Variants in IGDCC4 observed in about 807,000 individuals in gnomAD.
IGDCC4 encodes likely ortholog of mouse neighbor of Punc E11.
A neutral mutation model predicts 116.6 loss-of-function variants in IGDCC4; 72 were observed. The observed-to-expected ratio is 0.62, with a 90% CI of 0.51 to 0.75. IGDCC4 has a LOEUF of 0.75. IGDCC4 is among the 30% of genes least tolerant of loss of function. IGDCC4 has a pLI of 0.00. For missense variants in IGDCC4, 1,501 were observed against 1,662.4 expected (o/e 0.90, Z 1.69); for synonymous variants, 709 against 719.9 (o/e 0.98, Z 0.24).
chr15:65,393,588 AC>A lies in IGDCC4; in HGVS notation c.1715-58del, dbSNP rs200208128. 1,248 of 1,515,250 alleles carry A rather than the reference AC, an allele frequency of 8.2e-4. 10 individuals are homozygous for A. In the African/African-American group the frequency reaches 0.015, roughly 19 times the overall value. 93.9% of individuals were successfully genotyped at this position (1,515,250 alleles called of 1,614,324 possible). A position where few individuals can be genotyped will look rare whatever the true frequency, so the allele number is the denominator to read the frequency against. ...AGCCACCTGAGGAACAGGATCCTAA[AC>A]CCCCCTACATGGCTCTTCCGCCTCA... On this transcript the variant is annotated intron_variant, in intron 9 of 19. Coordinates refer to ENST00000352385, the MANE Select transcript of IGDCC4 (RefSeq NM_020962.3). This position sits in a 1 kb window ranked among gnomAD's most constrained non-coding sequence, Gnocchi z 4.6.
intron 12 of IGDCC4, among the ~76,000 whole-genome samples, chr15:65,391,423 C>A (rs1270703773): frequency 6.6e-6 from 1 of 152,208 alleles, no homozygotes; most frequent in Non-Finnish European, 1.5e-5. Flanking sequence ...GTAGCCTAGG[C>A]TCTGTGTGAC....
rs1173244930 is a variant in IGDCC4 at position 65,402,374 on chromosome 15, G to A, written c.677C>T (p.Ala226Val). The A allele has an allele frequency of 1.3e-6, 2 of 1,570,764 alleles. No homozygotes were observed. The highest frequency in any genetic ancestry group is 2.3e-5 in the South Asian group (2 of 85,326). Residue 226 changes from alanine to valine, a missense_variant, in exon 4 of 20, where the codon GCC becomes GTC. Coordinates refer to ENST00000352385, the MANE Select transcript of IGDCC4 (RefSeq NM_020962.3). ...NSARQHFSQE[A>V]LLSVAHRGSL... ...ACCTCTGTGGGCCACACTGAGTAGG[G>A]CCTCCTGGCTGAAGTGCTGGCGAGC...
intron 3 of IGDCC4, among the ~76,000 whole-genome samples, chr15:65,408,540 G>A (rs994669055): frequency 1.3e-5 from 2 of 152,302 alleles, no homozygotes; most frequent in Admixed American, 6.5e-5. Context: ...GAAGTGCTTC[G>A]TTAAACAAGG....
At chr15:65,406,546 T>C (rs77717865) in intron 3 of IGDCC4, among the ~76,000 whole-genome samples, 4,297 of 152,244 alleles carry the variant, frequency 0.028, 202 homozygotes, top group African/African-American at 0.099. Context: ...CGCAGTGTGT[T>C]TATTAACTGC....
rs1595772670 is a variant in IGDCC4, at chr15:65,383,942, C to T, written c.*67G>A. 6.4e-6 allele frequency: 9 copies of T among 1,397,694 alleles called. No homozygotes were observed. In the South Asian group the frequency reaches 8.9e-5, roughly 14 times the overall value. 86.6% of individuals were successfully genotyped at this position (1,397,694 alleles called of 1,614,324 possible). A position where few individuals can be genotyped will look rare whatever the true frequency, so the allele number is the denominator to read the frequency against. ...CTACAGGCACACATGTGGACATACA[C>T]GGCCACAGGTATCGCATCCTATGTG... On this transcript the variant is annotated 3_prime_UTR_variant, in exon 20 of 20. Transcript: ENST00000352385.
intron 1 of IGDCC4, among the ~76,000 whole-genome samples, chr15:65,421,160 T>C (rs901340950): frequency 6.6e-6 from 1 of 152,200 alleles, no homozygotes; most frequent in Non-Finnish European, 1.5e-5. Flanking sequence ...GTCCCTCGCC[T>C]GCTTTGTGCG....
At chr15:65,417,645 G>T (rs1003106791) in intron 1 of IGDCC4, among the ~76,000 whole-genome samples, 6 of 152,166 alleles carry the variant, frequency 3.9e-5, no homozygotes, top group Non-Finnish European at 8.8e-5. Flanking sequence ...ACCCAGGTTG[G>T]AGTGCAGTGG....
rs776431286 is a variant in IGDCC4 at position 65,402,466 on chromosome 15, G to T, written c.585C>A (p.Gly195=). ...CCTGAACATCCAGGATCTGAAGGAC[G>T]CCGTTGGGAAGCACGATGAGCCTTG... ...EEPRLIVLPN[G]VLQILDVQES... is the part of the protein sequence containing the mutation. Residue 195 remains glycine, a synonymous_variant, in exon 4 of 20, where the codon GGC becomes GGA. Coordinates refer to ENST00000352385, the MANE Select transcript of IGDCC4 (RefSeq NM_020962.3). The T allele has an allele frequency of 6.4e-7, 1 of 1,567,180 alleles. No individual in the cohort carries two copies. Among genetic ancestry groups the T allele is most frequent in the Non-Finnish European group, 8.7e-7 (1 of 1,155,230 alleles).
chr15:65,404,532 G>A (rs1046760265), intron 3 of IGDCC4, among the ~76,000 whole-genome samples: 2 of 152,038 alleles, frequency 1.3e-5, no homozygotes, highest in Admixed American at 6.6e-5. Flanking sequence ...TCGAACTAGC[G>A]AGCTGACTAT....
chr15:65,390,976 T>A (rs1158604337), intron 12 of IGDCC4, among the ~76,000 whole-genome samples: 1 of 152,174 alleles, frequency 6.6e-6, no homozygotes, highest in African/African-American at 2.4e-5. Flanking sequence ...CTCACACCTG[T>A]AATCCCAGCA....
chr15:65,408,870 C>T lies in IGDCC4; in HGVS notation c.563+1308G>A, dbSNP rs1049757274. ...TTTTTTTTTTTTTGAGACAGGGTCT[C>T]GGTGTGTCACCCAGGCTGGCTGGAA... On this transcript the variant is annotated intron_variant, in intron 3 of 19. Coordinates refer to ENST00000352385, the MANE Select transcript of IGDCC4 (RefSeq NM_020962.3). Among the ~76,000 whole-genome samples, 10 of 139,504 alleles carry T rather than the reference C, an allele frequency of 7.2e-5. No individual in the cohort carries two copies. In the East Asian group the frequency reaches 1.9e-3, roughly 27 times the overall value. 91.5% of individuals were successfully genotyped at this position (139,504 alleles called of 152,430 possible).
chr15:65,384,302 C>T lies in IGDCC4; in HGVS notation c.3460G>A (p.Glu1154Lys). The T allele has an allele frequency of 6.2e-7, 1 of 1,607,710 alleles. No individual in the cohort carries two copies. The highest frequency in any genetic ancestry group is 8.5e-7 in the Non-Finnish European group (1 of 1,176,824). ...GNPDLHLQDL[E>K]PEDPLPPEAP... ...TCTGGAGGCAGGGGGTCCTCAGGCT[C>T]CAGGTCTTGGAGATGGAGGTCAGGG... is the stretch of plus-strand genomic sequence containing the variant. The change falls in exon 20 of 20, where the codon GAG becomes AAG. Residue 1154 changes from glutamate (E) to lysine (K), a missense_variant. Coordinates refer to ENST00000352385, the MANE Select transcript of IGDCC4 (RefSeq NM_020962.3). This position sits in a 1 kb window ranked among gnomAD's most constrained non-coding sequence, Gnocchi z 4.9.
intron 3 of IGDCC4, among the ~76,000 whole-genome samples, chr15:65,406,908 T>C (rs986403763): frequency 1.3e-5 from 2 of 152,190 alleles, no homozygotes; most frequent in Admixed American, 1.3e-4. Context: ...ACTGGTGTGC[T>C]GAGAAGCTTT....
intron 3 of IGDCC4, among the ~76,000 whole-genome samples, chr15:65,406,727 G>A (rs950200823): frequency 6.6e-6 from 1 of 152,238 alleles, no homozygotes; most frequent in South Asian, 2.1e-4. Context: ...ACAATGTGCC[G>A]GGACATGCGA....
intron 1 of IGDCC4, among the ~76,000 whole-genome samples, chr15:65,418,734 C>T (rs1253049099): frequency 6.6e-6 from 1 of 152,218 alleles, no homozygotes; most frequent in South Asian, 2.1e-4. Flanking sequence ...CCCCCTGCCC[C>T]CAAGCCTGCC....
chr15:65,398,300 A>G (rs1311467561), intron 5 of IGDCC4, among the ~76,000 whole-genome samples: 1 of 152,094 alleles, frequency 6.6e-6, no homozygotes, highest in African/African-American at 2.4e-5. Flanking sequence ...TTGGGAGGCC[A>G]AGGCGGGTGG....
intron 18 of IGDCC4, among the ~76,000 whole-genome samples, 156 bp from the exon 19 acceptor site, chr15:65,385,271 G>A (rs1176734083): frequency 1.3e-5 from 2 of 152,188 alleles, no homozygotes; most frequent in East Asian, 3.8e-4. Context: ...GAGGAGCATC[G>A]AAAGGGCTCA....
rs960054670 is a variant in IGDCC4 at position 65,382,439 on chromosome 15, T to C, written c.*1570A>G. On this transcript the variant is annotated 3_prime_UTR_variant, in exon 20 of 20. Transcript: ENST00000352385. ...AAAAAAAAAAAAAGGAAAAATGGAC[T>C]GGTTATTTCGAATTTGGCCCAGAAG... is the stretch of plus-strand genomic sequence containing the variant. 6.7e-6 allele frequency: 1 copy of C among 149,366 alleles called. No homozygotes were observed. The highest frequency in any genetic ancestry group is 2.5e-5 in the African/African-American group (1 of 40,528). 9.3% of individuals were successfully genotyped at this position (149,366 alleles called of 1,614,324 possible).
In IGDCC4 at chr15:65,422,934, C is replaced by T; in HGVS notation, c.-72G>A. 3 of 950,846 alleles carry T rather than the reference C, an allele frequency of 3.2e-6. No homozygotes were observed. Among genetic ancestry groups the T allele is most frequent in the Non-Finnish European group, 3.7e-6 (3 of 801,194 alleles). 58.9% of individuals were successfully genotyped at this position (950,846 alleles called of 1,614,324 possible). On this transcript the variant is annotated 5_prime_UTR_variant, in exon 1 of 20. Transcript: ENST00000352385. Reference sequence around the variant, plus strand: ...CGGCCGCCGCCGCGGGGGGAGAGCGCGCCGGGCGTCAGTGGCCCGGGGAGG... The same window carrying T: ...CGGCCGCCGCCGCGGGGGGAGAGCGTGCCGGGCGTCAGTGGCCCGGGGAGG...
Sources: allele counts gnomAD v4.1 joint callset (sites outside exome capture counted in the v4.1 genomes callset), GRCh38; gene constraint gnomAD v4.1.1; non-coding constraint Gnocchi (gnomAD v3.1); transcripts MANE v1.5; gene names NCBI Gene and HGNC (gene_info 2026-07-23, HGNC 2026-07-21).